Variants in NAA35 observed in about 807,000 individuals in gnomAD.
NAA35 encodes the protein N-alpha-acetyltransferase 35, NatC auxiliary subunit.
A neutral mutation model predicts 101.7 loss-of-function variants in NAA35; 18 were observed. That is an observed-to-expected ratio of 0.18 (90% CI 0.12 to 0.26). The LOEUF (loss-of-function observed/expected upper bound fraction) is 0.26, where lower values mean the gene tolerates loss of function less well. Ranked by LOEUF, NAA35 falls within the 10% of genes least tolerant of loss-of-function variation. The pLI is 1.00. For missense variants in NAA35, 601 were observed against 886.8 expected (o/e 0.68, Z 4.09); for synonymous variants, 267 against 273.1 (o/e 0.98, Z 0.22).
intron 11 of NAA35, among the ~76,000 whole-genome samples, chr9:85,989,848 A>G (rs1830823396): frequency 6.6e-6 from 1 of 152,214 alleles, no homozygotes; most frequent in Admixed American, 6.5e-5. Flanking sequence ...GGGAAGACTA[A>G]TTTTCTTTTA....
intron 6 of NAA35, among the ~76,000 whole-genome samples, chr9:85,963,424 C>T (rs1829610900): frequency 6.6e-6 from 1 of 151,808 alleles, no homozygotes; most frequent in Non-Finnish European, 1.5e-5. Context: ...GCGTGCACCA[C>T]CATGCCTGGC....
chr9:85,986,959 A>G (rs904171613), intron 11 of NAA35: 3 of 162,496 alleles, frequency 1.8e-5, no homozygotes, highest in Admixed American at 1.7e-4. Context: ...CACACATAAA[A>G]TATGCTAATG....
chr9:85,977,275 T>C, intron 9 of NAA35, 88 bp from the exon 10 acceptor site: 2 of 910,548 alleles, frequency 2.2e-6, no homozygotes, highest in Non-Finnish European at 3.6e-6. Flanking sequence ...GTTATTAACA[T>C]TGAGATTTAG....
At chr9:85,972,749 A>G (rs1212223922) in intron 6 of NAA35, among the ~76,000 whole-genome samples, 2 of 152,084 alleles carry the variant, frequency 1.3e-5, no homozygotes, top group Non-Finnish European at 1.5e-5. Context: ...TAGGAAGATA[A>G]CCTGCCTTTT....
At chr9:85,959,412 C>G (rs1276970793) in intron 4 of NAA35, among the ~76,000 whole-genome samples, 1 of 148,098 alleles carries the variant, frequency 6.8e-6, no homozygotes, top group Non-Finnish European at 1.5e-5. Context: ...CTTTAGTTTT[C>G]TTTCTAAGTA....
chr9:86,012,308 G>A (rs892316196), intron 15 of NAA35, among the ~76,000 whole-genome samples: 10 of 151,408 alleles, frequency 6.6e-5, no homozygotes, highest in Non-Finnish European at 1.2e-4. Context: ...TATTAGTGAC[G>A]GGGTTTCACC....
chr9:85,987,230 C>A (rs1332010095), intron 11 of NAA35, among the ~76,000 whole-genome samples: 1 of 152,164 alleles, frequency 6.6e-6, no homozygotes, highest in Non-Finnish European at 1.5e-5. Context: ...CCTTGCTCAA[C>A]TGATTCTTGA....
In NAA35 at chr9:86,013,795, G is replaced by T. The variant is rs1832070437; in HGVS notation, c.1466G>T (p.Gly489Val). Residue 489 changes from glycine (G) to valine (V), a missense_variant, in exon 17 of 23, where the codon GGT becomes GTT. Coordinates refer to ENST00000361671, the MANE Select transcript of NAA35 (RefSeq NM_024635.4). ...EPQRQHLACL[G>V]TWVLYHNLRI... Reference sequence around the variant, plus strand: ...CAAAGGCAACATTTGGCCTGTTTAGGTACCTGGGTCCTTTACCATAACCTT... The same window carrying T: ...CAAAGGCAACATTTGGCCTGTTTAGTTACCTGGGTCCTTTACCATAACCTT... 2 of 1,614,000 alleles carry T rather than the reference G, an allele frequency of 1.2e-6. No individual in the cohort carries two copies. The highest frequency in any genetic ancestry group is 1.7e-5 in the Admixed American group (1 of 59,992).
chr9:85,954,896 T>C (rs1408482996), intron 2 of NAA35, among the ~76,000 whole-genome samples: 1 of 152,184 alleles, frequency 6.6e-6, no homozygotes, highest in Non-Finnish European at 1.5e-5. Context: ...TAGTATGTGT[T>C]CTGCTATGTT....
intron 16 of NAA35, 110 bp downstream of exon 16, chr9:86,013,254 C>G: frequency 1.7e-6 from 1 of 578,834 alleles, no homozygotes; most frequent in Non-Finnish European, 2.8e-6. Flanking sequence ...TCAACATGAT[C>G]CACTTTTCAC....
chr9:85,955,348 ATATATATATATATTTT>A (rs1471531547), intron 2 of NAA35, among the ~76,000 whole-genome samples: 1 of 67,898 alleles, frequency 1.5e-5, no homozygotes, highest in African/African-American at 9.3e-5. Context: ...ATATATATAT[ATATATATATATATTTT>A]TTTTTTTTTT....
intron 14 of NAA35, among the ~76,000 whole-genome samples, chr9:86,007,934 C>T (rs2118377788): frequency 6.6e-6 from 1 of 152,248 alleles, no homozygotes; most frequent in Admixed American, 6.5e-5. Context: ...TACACGATGG[C>T]TTTCTATCAC....
chr9:85,988,411 A>G (rs1455871449), intron 11 of NAA35, among the ~76,000 whole-genome samples: 1 of 152,232 alleles, frequency 6.6e-6, no homozygotes, highest in Non-Finnish European at 1.5e-5. Flanking sequence ...AGTAAAAGTG[A>G]CCAGGCAGAG....
intron 15 of NAA35, among the ~76,000 whole-genome samples, chr9:86,010,188 A>C (rs1412109807): frequency 6.6e-6 from 1 of 152,106 alleles, no homozygotes; most frequent in Non-Finnish European, 1.5e-5. Flanking sequence ...GTTTCAGTGA[A>C]CCAAGATCGT....
Position 86,022,202 on chromosome 9 carries a change from T to C in NAA35, c.*242T>C, listed in dbSNP as rs1048352314. On this transcript the variant is annotated 3_prime_UTR_variant, in exon 23 of 23. Transcript: ENST00000361671. ...ATTGAATGCATTGATGAACGTTATA[T>C]GGTTTTATTACAGATTTAATCACAA... The C allele has an allele frequency of 2.8e-6, 1 of 360,056 alleles. No homozygotes were observed. Among genetic ancestry groups the C allele is most frequent in the Non-Finnish European group, 4.9e-6 (1 of 202,934 alleles). 22.3% of individuals were successfully genotyped at this position (360,056 alleles called of 1,614,324 possible).
At chr9:85,988,672 T>C (rs1830757135) in intron 11 of NAA35, among the ~76,000 whole-genome samples, 1 of 152,050 alleles carries the variant, frequency 6.6e-6, no homozygotes, top group African/African-American at 2.4e-5. Flanking sequence ...GGTGCATGCC[T>C]GTAGTCCCAG....
intron 12 of NAA35, among the ~76,000 whole-genome samples, chr9:86,000,050 T>C (rs964334918): frequency 3.3e-5 from 5 of 152,200 alleles, no homozygotes; most frequent in African/African-American, 1.2e-4. Context: ...CCTTGGACTC[T>C]TATTGTTTTG....
intron 16 of NAA35, 92 bp downstream of exon 16, chr9:86,013,236 C>G (rs528979739): frequency 1.1e-5 from 8 of 731,760 alleles, no homozygotes; most frequent in Middle Eastern, 2.5e-4. Flanking sequence ...AATATTTTGA[C>G]TAATTTTTCA....
In NAA35 at chr9:85,978,360, C is replaced by A. The variant is rs150925033; in HGVS notation, c.856C>A (p.Gln286Lys). ...HNSLHHGIQA[Q>K]NDTTKGDHPI... The stretch of plus-strand genomic sequence containing the variant: ...TTCATTGCATCATGGCATCCAGGCC[C>A]AGAATGATACTACAAAAGGAGGTAA... The change falls in exon 11 of 23, where the codon CAG becomes AAG. Residue 286 changes from glutamine to lysine, a missense_variant. Gln to Lys is a moderately conservative substitution (Grantham distance 53). Around this residue, in one of 8 missense-constraint regions of NAA35, gnomAD observed 190 missense variants for 223.1 expected, o/e 0.85. Transcript: ENST00000361671. 891 of 1,605,810 alleles carry A rather than the reference C, an allele frequency of 5.5e-4. 10 individuals are homozygous for A. In the Admixed American group the frequency reaches 0.014, roughly 26 times the overall value.
Sources: gnomAD v4.1 joint callset for allele counts (sites outside exome capture counted in the v4.1 genomes callset) on GRCh38, gnomAD v4.1.1 for gene constraint, gnomAD v4.1.1 regional missense constraint, MANE v1.5 for transcripts, NCBI Gene and HGNC (gene_info 2026-07-23, HGNC 2026-07-21) for gene names.